NEGR1: variants seen among roughly 807,000 people sequenced by gnomAD.
NEGR1 encodes IgLON family member 4.
Under a neutral mutation model 40.9 loss-of-function variants are expected in NEGR1, and 10 were observed. The observed-to-expected ratio is 0.24, with a 90% CI of 0.15 to 0.42. The LOEUF (loss-of-function observed/expected upper bound fraction) is 0.42. Ranked by LOEUF, NEGR1 falls within the 10% of genes least tolerant of loss-of-function variation. NEGR1 has a pLI of 1.00. For missense variants in NEGR1, 352 were observed against 438.9 expected (o/e 0.80, Z 1.77); for synonymous variants, 185 against 166.8 (o/e 1.11, Z -0.84).
intron 6 of NEGR1, among the ~76,000 whole-genome samples, chr1:71,568,641 A>G (rs1252485049): frequency 6.6e-6 from 1 of 152,190 alleles, no homozygotes; most frequent in Non-Finnish European, 1.5e-5. Flanking sequence ...TAAAAATATA[A>G]GGAAAAAAAT....
At chr1:71,688,207 G>A (rs1229811828) in intron 4 of NEGR1, among the ~76,000 whole-genome samples, 3 of 149,386 alleles carry the variant, frequency 2.0e-5, no homozygotes, top group Non-Finnish European at 4.4e-5. Flanking sequence ...AAGTGACCCA[G>A]GTTGAATTTA....
At chr1:71,438,903 A>G (rs1345538261) in intron 6 of NEGR1, among the ~76,000 whole-genome samples, 6 of 152,160 alleles carry the variant, frequency 3.9e-5, no homozygotes, top group Non-Finnish European at 8.8e-5. Context: ...CACTCACAGG[A>G]GGAGCAAGCT....
chr1:71,955,766 C>G (rs1430409050), intron 1 of NEGR1, among the ~76,000 whole-genome samples: 4 of 152,016 alleles, frequency 2.6e-5, no homozygotes, highest in Non-Finnish European at 5.9e-5. Flanking sequence ...TGACACTGAC[C>G]AGGAGACACA....
chr1:71,791,898 T>C (rs1657133114), intron 2 of NEGR1, among the ~76,000 whole-genome samples: 1 of 152,054 alleles, frequency 6.6e-6, no homozygotes, highest in Non-Finnish European at 1.5e-5. Flanking sequence ...AATTTGGACT[T>C]GGGAGGATGA....
intron 2 of NEGR1, among the ~76,000 whole-genome samples, chr1:71,848,109 T>G (rs1443221660): frequency 6.6e-6 from 1 of 152,114 alleles, no homozygotes; most frequent in African/African-American, 2.4e-5. Context: ...ACTCTATGAA[T>G]GCTGAGAAAG....
chr1:71,603,496 T>C (rs1265771419), intron 5 of NEGR1, among the ~76,000 whole-genome samples: 2 of 152,214 alleles, frequency 1.3e-5, no homozygotes, highest in Non-Finnish European at 2.9e-5. Context: ...TATTATCATA[T>C]GTAATCCGGT....
intron 1 of NEGR1, among the ~76,000 whole-genome samples, chr1:72,125,892 G>A (rs893713267): frequency 1.3e-5 from 2 of 152,258 alleles, no homozygotes; most frequent in South Asian, 2.1e-4. Context: ...ACACAGGAAA[G>A]AACAGAAGCC....
At chr1:71,729,362 AATC>A (rs1417958273) in intron 3 of NEGR1, among the ~76,000 whole-genome samples, 2 of 152,208 alleles carry the variant, frequency 1.3e-5, no homozygotes, top group African/African-American at 4.8e-5. Context: ...CACCTAAACT[AATC>A]ATAATCAAAT....
chr1:71,955,612 G>A (rs1395833407), intron 1 of NEGR1, among the ~76,000 whole-genome samples: 9 of 152,120 alleles, frequency 5.9e-5, no homozygotes. Flanking sequence ...ATATAGATCA[G>A]TTTCTGTCTC....
intron 4 of NEGR1, among the ~76,000 whole-genome samples, chr1:71,688,355 T>TATGA (rs60557423): frequency 9.1e-4 from 37 of 40,452 alleles, no homozygotes; most frequent in South Asian, 3.5e-3. Flanking sequence ...GATAGATAGA[T>TATGA]TATATATATA....
chr1:71,764,041 C>G (rs1196448301), intron 3 of NEGR1, among the ~76,000 whole-genome samples: 1 of 152,046 alleles, frequency 6.6e-6, no homozygotes, highest in Admixed American at 6.6e-5. Flanking sequence ...CCCATGAGAC[C>G]AAAAGCAAAT....
intron 2 of NEGR1, among the ~76,000 whole-genome samples, chr1:71,781,043 A>T (rs1196747619): frequency 6.6e-6 from 1 of 152,176 alleles, no homozygotes; most frequent in Non-Finnish European, 1.5e-5. Context: ...AGTGCACGGC[A>T]TTATTTTCTT....
intron 3 of NEGR1, among the ~76,000 whole-genome samples, chr1:71,761,690 T>C (rs879798813): frequency 1.3e-5 from 2 of 152,104 alleles, no homozygotes; most frequent in Non-Finnish European, 2.9e-5. Context: ...TTTATTAAAC[T>C]CAGTATTCTA....
intron 1 of NEGR1, among the ~76,000 whole-genome samples, chr1:72,150,853 AC>A (rs1419918386): frequency 1.3e-5 from 2 of 152,222 alleles, no homozygotes; most frequent in East Asian, 3.9e-4. Flanking sequence ...AACTTGAAAA[AC>A]AAAAATATTA....
intron 1 of NEGR1, among the ~76,000 whole-genome samples, chr1:72,026,418 CAA>C (rs1234268496): frequency 2.0e-5 from 3 of 149,934 alleles, no homozygotes; most frequent in Admixed American, 6.7e-5. Flanking sequence ...CCACACCTCA[CAA>C]AAGAGTTAAA....
At chr1:71,486,133 C>A (rs530623739) in intron 6 of NEGR1, among the ~76,000 whole-genome samples, 3 of 151,568 alleles carry the variant, frequency 2.0e-5, no homozygotes, top group Non-Finnish European at 4.4e-5. Context: ...TTCTAGATTT[C>A]GGCCATTCTA....
At chr1:72,050,159 T>C (rs1289042403) in intron 1 of NEGR1, among the ~76,000 whole-genome samples, 1 of 151,626 alleles carries the variant, frequency 6.6e-6, no homozygotes, top group East Asian at 1.9e-4. Flanking sequence ...AATTTAAAAA[T>C]TAATTACATA....
intron 3 of NEGR1, among the ~76,000 whole-genome samples, chr1:71,711,100 G>A (rs1016438623): frequency 6.6e-6 from 1 of 151,724 alleles, no homozygotes; most frequent in Non-Finnish European, 1.5e-5. Flanking sequence ...CCCAATGGGA[G>A]GCTGAGGCGG....
At chr1:72,205,712 G>A (rs1467259687) in intron 1 of NEGR1, among the ~76,000 whole-genome samples, 1 of 132,092 alleles carries the variant, frequency 7.6e-6, no homozygotes, top group East Asian at 2.2e-4. Context: ...ATTGAGCCCA[G>A]GAGCTCAAGA....
Sources: allele counts gnomAD v4.1 joint callset (sites outside exome capture counted in the v4.1 genomes callset), GRCh38; gene constraint gnomAD v4.1.1; transcripts MANE v1.5; gene names NCBI Gene and HGNC (gene_info 2026-07-23, HGNC 2026-07-21).